The following ATP6V0E1 variants were observed in gnomAD, a reference collection of about 807,000 sequenced individuals.
The protein encoded by ATP6V0E1 is V-type proton ATPase subunit e 1.
A neutral mutation model predicts 11.6 loss-of-function variants in ATP6V0E1; 4 were observed. The ratio of observed to expected loss-of-function variants is 0.35; its 90% CI spans 0.17 to 0.79. ATP6V0E1 has a LOEUF of 0.79. ATP6V0E1 is among the 30% of genes least tolerant of loss of function. ATP6V0E1 has a pLI of 0.54. For missense variants in ATP6V0E1, 105 were observed against 100.0 expected (o/e 1.05, Z -0.21); for synonymous variants, 36 against 34.8 (o/e 1.04, Z -0.13).
chr5:173,012,120 C>T (rs1467093673), intron 2 of ATP6V0E1, among the ~76,000 whole-genome samples: 2 of 151,402 alleles, frequency 1.3e-5, no homozygotes, highest in Non-Finnish European at 2.9e-5. Flanking sequence ...CAACCTCTGC[C>T]TCCCAGGTTC....
At chr5:172,992,171 C>T (rs1755993206) in intron 1 of ATP6V0E1, among the ~76,000 whole-genome samples, 1 of 152,156 alleles carries the variant, frequency 6.6e-6, no homozygotes, top group African/African-American at 2.4e-5. Context: ...CTGCCTCAGC[C>T]TCCCGAGTAG....
Position 172,994,790 on chromosome 5 carries a change from G to A in ATP6V0E1, c.120G>A (p.Met40Ile). 1.3e-6 allele frequency: 2 copies of A among 1,583,644 alleles called. No individual in the cohort carries two copies. Among genetic ancestry groups the A allele is most frequent in the Non-Finnish European group, 1.7e-6 (2 of 1,164,812 alleles). Residue 40 changes from methionine (M) to isoleucine (I), a missense_variant, in exon 2 of 4, where the codon ATG (methionine) becomes ATA (isoleucine). By Grantham distance (10) the Met-to-Ile change is conservative (BLOSUM62 1). Coordinates refer to ENST00000519374, the MANE Select transcript of ATP6V0E1 (RefSeq NM_003945.4). ...KGPNRGVIIT[M>I]LVTCSVCCYL... ...TTTTTTTTAGAGTTATCATTACCAT[G>A]TTGGTGACCTGTTCAGTTTGCTGCT...
chr5:172,989,620 G>A (rs566451618), intron 1 of ATP6V0E1, among the ~76,000 whole-genome samples: 20 of 150,848 alleles, frequency 1.3e-4, no homozygotes, highest in Middle Eastern at 3.4e-3. Context: ...TCTGCCTCCC[G>A]GGTTCAAGCA....
At chr5:173,005,895 C>T (rs984263343) in intron 2 of ATP6V0E1, among the ~76,000 whole-genome samples, 3 of 152,184 alleles carry the variant, frequency 2.0e-5, no homozygotes, top group African/African-American at 7.2e-5. Flanking sequence ...TTCTAAATAT[C>T]TGGTGCTGTT....
chr5:173,021,417 C>G (rs1398345653), intron 3 of ATP6V0E1, among the ~76,000 whole-genome samples: 3 of 152,082 alleles, frequency 2.0e-5, no homozygotes. Flanking sequence ...AAGAGAGAAT[C>G]AGAACCAAGC....
intron 3 of ATP6V0E1, among the ~76,000 whole-genome samples, chr5:173,024,850 T>C (rs923107221): frequency 2.0e-5 from 3 of 149,042 alleles, no homozygotes; most frequent in South Asian, 4.2e-4. Flanking sequence ...TTTTTTCTTT[T>C]TTTTTTTTTT....
At chr5:173,025,143 CTTTTTTTTTTT>C (rs539174415) in intron 3 of ATP6V0E1, among the ~76,000 whole-genome samples, 1 of 103,144 alleles carries the variant, frequency 9.7e-6, no homozygotes, top group East Asian at 3.0e-4. Flanking sequence ...GCCTGGCATT[CTTTTTTTTTTT>C]TTTTTTTTTT....
chr5:173,026,579 T>C (rs1397853742), intron 3 of ATP6V0E1, among the ~76,000 whole-genome samples: 1 of 152,204 alleles, frequency 6.6e-6, no homozygotes, highest in African/African-American at 2.4e-5. Flanking sequence ...CAGCTACATA[T>C]ACTATTCTGT....
At chr5:173,001,661 G>A (rs1756155513) in intron 2 of ATP6V0E1, among the ~76,000 whole-genome samples, 1 of 152,056 alleles carries the variant, frequency 6.6e-6, no homozygotes, top group African/African-American at 2.4e-5. Context: ...TGGTTTCAGG[G>A]CTGCTATTTA....
At chr5:173,010,467 C>T (rs1756304430) in intron 2 of ATP6V0E1, among the ~76,000 whole-genome samples, 1 of 152,128 alleles carries the variant, frequency 6.6e-6, no homozygotes, top group South Asian at 2.1e-4. Flanking sequence ...CAACAGGAGA[C>T]AGTGGGCTTG....
intron 2 of ATP6V0E1, among the ~76,000 whole-genome samples, chr5:173,016,194 C>T (rs927939186): frequency 6.6e-6 from 1 of 152,168 alleles, no homozygotes; most frequent in Admixed American, 6.5e-5. Context: ...AAGTGAGGGG[C>T]GGTCTTGTGG....
intron 2 of ATP6V0E1, among the ~76,000 whole-genome samples, chr5:173,008,128 T>C (rs931703316): frequency 6.6e-6 from 1 of 152,170 alleles, no homozygotes; most frequent in Non-Finnish European, 1.5e-5. Context: ...CTTAACAGCG[T>C]GCTCACTTTA....
intron 3 of ATP6V0E1, among the ~76,000 whole-genome samples, chr5:173,024,108 G>A (rs1439674671): frequency 1.3e-5 from 2 of 148,226 alleles, no homozygotes; most frequent in African/African-American, 5.0e-5. Context: ...TGAGGTAGGA[G>A]AATGGCATGA....
At chr5:173,027,178 CAAAA>C (rs1158447516) in intron 3 of ATP6V0E1, among the ~76,000 whole-genome samples, 6 of 26,044 alleles carry the variant, frequency 2.3e-4, no homozygotes, top group Admixed American at 5.6e-4. Context: ...GACTCCGTCT[CAAAA>C]AAAAAAAAAA....
chr5:173,019,495 A>G (rs1050793559), intron 2 of ATP6V0E1, among the ~76,000 whole-genome samples: 3 of 152,004 alleles, frequency 2.0e-5, no homozygotes, highest in African/African-American at 7.2e-5. Flanking sequence ...CGGAGCTTGC[A>G]GCAAGCCGAG....
chr5:173,028,829 A>G (rs894776691), intron 3 of ATP6V0E1, among the ~76,000 whole-genome samples: 4 of 152,184 alleles, frequency 2.6e-5, no homozygotes, highest in African/African-American at 9.7e-5. Flanking sequence ...CCTAAGATGT[A>G]TGTGGGACTC....
intron 3 of ATP6V0E1, among the ~76,000 whole-genome samples, chr5:173,025,817 C>T (rs1756550977): frequency 6.6e-6 from 1 of 151,700 alleles, no homozygotes; most frequent in African/African-American, 2.4e-5. Flanking sequence ...CAAGATAACA[C>T]CAGTATAACT....
chr5:173,034,403 C>T lies in ATP6V0E1; in HGVS notation c.*41C>T, dbSNP rs754089263. The T allele has an allele frequency of 3.1e-5, 22 of 702,942 alleles. No individual in the cohort carries two copies. Among genetic ancestry groups the T allele is most frequent in the South Asian group, 1.5e-4 (10 of 67,600 alleles). 43.5% of individuals were successfully genotyped at this position (702,942 alleles called of 1,614,324 possible). ...CAGAATGGTTTTGTTTTGCAGGTCA[C>T]GAGAAGAGAATGCCTTCTAGATGCA... On this transcript the variant is annotated 3_prime_UTR_variant, in exon 4 of 4. Coordinates refer to ENST00000519374, the MANE Select transcript of ATP6V0E1 (RefSeq NM_003945.4).
chr5:173,005,946 C>T (rs942894940), intron 2 of ATP6V0E1, among the ~76,000 whole-genome samples: 2 of 152,112 alleles, frequency 1.3e-5, no homozygotes, highest in African/African-American at 4.8e-5. Flanking sequence ...TCATTTAATT[C>T]CATGTGGTCA....
Sources: allele counts gnomAD v4.1 joint callset (sites outside exome capture counted in the v4.1 genomes callset), GRCh38; gene constraint gnomAD v4.1.1; transcripts MANE v1.5; gene names NCBI Gene and HGNC (gene_info 2026-07-23, HGNC 2026-07-21).